DIAPH2: variants seen among roughly 807,000 people sequenced by gnomAD.
The protein encoded by DIAPH2 is protein diaphanous homolog 2.
In DIAPH2, 35 loss-of-function variants were observed where a neutral mutation model predicts 92.7. The ratio of observed to expected loss-of-function variants is 0.38; its 90% CI spans 0.29 to 0.50. The LOEUF (loss-of-function observed/expected upper bound fraction) is 0.50. DIAPH2 is among the 20% of genes least tolerant of loss of function. The pLI is 0.94. For missense variants in DIAPH2, 701 were observed against 819.5 expected (o/e 0.86, Z 1.77); for synonymous variants, 301 against 280.4 (o/e 1.07, Z -0.73).
chrX:97,327,501 T>G (rs2068961993), intron 23 of DIAPH2, among the ~76,000 whole-genome samples: 1 of 109,128 alleles, frequency 9.2e-6, no homozygotes, highest in Non-Finnish European at 1.9e-5. Flanking sequence ...GGCACAGTCT[T>G]GGCTCATTGC....
intron 1 of DIAPH2, among the ~76,000 whole-genome samples, chrX:96,719,405 T>A (rs1174267127): frequency 1.8e-5 from 2 of 112,444 alleles, no homozygotes; most frequent in Non-Finnish European, 3.8e-5. Flanking sequence ...CTTGTAACAG[T>A]TTCATAATTT....
At chrX:97,582,543 C>T (rs770948792) in intron 26 of DIAPH2, among the ~76,000 whole-genome samples, 1,224 of 109,970 alleles carry the variant, frequency 0.011, 13 homozygotes, top group South Asian at 0.047. Context: ...CCGAGAGATC[C>T]GCTGTTAGTC....
In DIAPH2 at chrX:96,734,171, C is replaced by A. The variant is rs749229636; in HGVS notation, c.133-1587C>A. On this transcript the variant is annotated intron_variant, in intron 1 of 26. Coordinates refer to ENST00000324765, the MANE Select transcript of DIAPH2 (RefSeq NM_006729.5). ...TTGAAACATTTTAAACATATGTGTA[C>A]CTTAATTTAGATAATTTGACTAAAG... Among the ~76,000 whole-genome samples, 3 of 111,944 alleles carry A rather than the reference C, an allele frequency of 2.7e-5. No homozygotes were observed. In the South Asian group the frequency reaches 1.1e-3, roughly 42 times the overall value.
At chrX:96,999,498 C>CAAAA (rs756579556) in intron 17 of DIAPH2, among the ~76,000 whole-genome samples, 1 of 47,386 alleles carries the variant, frequency 2.1e-5, no homozygotes, top group Non-Finnish European at 3.7e-5. Flanking sequence ...GAGACTGTCT[C>CAAAA]AAAAAAAAAA....
At chrX:96,909,877 C>T (rs2065458481) in intron 5 of DIAPH2, among the ~76,000 whole-genome samples, 1 of 110,143 alleles carries the variant, frequency 9.1e-6, no homozygotes, top group South Asian at 3.9e-4. Flanking sequence ...GAATCATGTT[C>T]TTGTGAATCA....
intron 4 of DIAPH2, among the ~76,000 whole-genome samples, chrX:96,779,258 C>A (rs915964959): frequency 8.9e-6 from 1 of 111,915 alleles, no homozygotes; most frequent in Non-Finnish European, 1.9e-5. Flanking sequence ...CAATTAACTA[C>A]CCTACCTTAT....
rs139499831 is a variant in DIAPH2 at position 97,449,770 on chromosome X, G to C, written c.3241+20025G>C. On this transcript the variant is annotated intron_variant, in intron 26 of 26. Transcript: ENST00000324765. ...CAGTGGCTGAATGAGTCCCACCATG[G>C]TGCCCTTTAGTGGGTCCCATTGTGC... 1.2e-3 allele frequency: 471 copies of C among 389,317 alleles called. 6 individuals carry two copies. In the African/African-American group the frequency reaches 0.012, roughly 10 times the overall value. The allele number at this position is 389,317 out of a possible 1,213,427, so 32.1% of individuals were successfully genotyped here.
intron 4 of DIAPH2, among the ~76,000 whole-genome samples, chrX:96,802,091 A>G (rs993852836): frequency 1.8e-5 from 2 of 112,040 alleles, no homozygotes; most frequent in Admixed American, 9.5e-5. Context: ...ATTTCTGCCT[A>G]TTTTTTGAGT....
intron 26 of DIAPH2, among the ~76,000 whole-genome samples, chrX:97,497,660 G>C (rs1007200915): frequency 1.8e-5 from 2 of 110,291 alleles, no homozygotes; most frequent in African/African-American, 3.3e-5. Flanking sequence ...ACAAAAATTA[G>C]CGAGGTATAT....
At chrX:97,477,333 A>C (rs2070617262) in intron 26 of DIAPH2, among the ~76,000 whole-genome samples, 1 of 105,732 alleles carries the variant, frequency 9.5e-6, no homozygotes, top group Admixed American at 1.0e-4. Flanking sequence ...TCTCTCAAAA[A>C]ATATATATAG....
chrX:97,247,531 A>G (rs1358825578), intron 22 of DIAPH2, among the ~76,000 whole-genome samples, 184 bp from the exon 23 acceptor site: 1 of 111,385 alleles, frequency 9.0e-6, no homozygotes, highest in African/African-American at 3.3e-5. Flanking sequence ...ACTGTATTAC[A>G]CATTTTCATT....
chrX:97,018,998 A>C (rs1056054665), intron 17 of DIAPH2, among the ~76,000 whole-genome samples: 1 of 111,292 alleles, frequency 9.0e-6, no homozygotes, highest in Non-Finnish European at 1.9e-5. Context: ...TCTTTCACTG[A>C]GCTTCTGCTT....
At chrX:97,188,655 T>C (rs1192970400) in intron 22 of DIAPH2, among the ~76,000 whole-genome samples, 1 of 112,621 alleles carries the variant, frequency 8.9e-6, no homozygotes, top group Non-Finnish European at 1.9e-5. Context: ...TTGAGTTCTT[T>C]GCTCTGTATA....
intron 26 of DIAPH2, among the ~76,000 whole-genome samples, chrX:97,557,673 A>G (rs2071266931): frequency 8.9e-6 from 1 of 112,405 alleles, no homozygotes; most frequent in African/African-American, 3.2e-5. Context: ...CAAATTTGGA[A>G]AGGCCATTTT....
At chrX:96,947,914 A>G (rs953354825) in intron 14 of DIAPH2, among the ~76,000 whole-genome samples, 9 of 112,238 alleles carry the variant, frequency 8.0e-5, no homozygotes, top group Non-Finnish European at 1.1e-4. Context: ...GCCTGCTTAG[A>G]GCCCTGTCTG....
intron 26 of DIAPH2, among the ~76,000 whole-genome samples, chrX:97,495,684 G>T (rs773501667): frequency 4.5e-4 from 50 of 111,887 alleles, no homozygotes; most frequent in Admixed American, 9.5e-5. Flanking sequence ...TGTTTTTAAG[G>T]TGATGAGTGG....
chrX:97,293,296 T>G (rs1274440956), intron 23 of DIAPH2, among the ~76,000 whole-genome samples: 4 of 98,438 alleles, frequency 4.1e-5, no homozygotes, highest in Non-Finnish European at 8.1e-5. Flanking sequence ...CTGTCGCCAG[T>G]CTGGAGTGCA....
intron 17 of DIAPH2, among the ~76,000 whole-genome samples, chrX:97,012,624 A>G: frequency 8.9e-6 from 1 of 112,242 alleles, no homozygotes; most frequent in Middle Eastern, 4.7e-3. Context: ...TTCTAATCCA[A>G]ACTGACTAAA....
intron 13 of DIAPH2, among the ~76,000 whole-genome samples, chrX:96,944,785 G>A (rs2065727810): frequency 9.0e-6 from 1 of 111,060 alleles, no homozygotes; most frequent in South Asian, 3.7e-4. Context: ...GTATACACTT[G>A]TTGATGGCCA....
Sources: gnomAD v4.1 joint callset for allele counts (sites outside exome capture counted in the v4.1 genomes callset) on GRCh38, gnomAD v4.1.1 for gene constraint, MANE v1.5 for transcripts, NCBI Gene and HGNC (gene_info 2026-07-23, HGNC 2026-07-21) for gene names.